LRBA: variants seen among roughly 807,000 people sequenced by gnomAD.
LRBA encodes lipopolysaccharide-responsive and beige-like anchor protein.
Under a neutral mutation model 330.0 loss-of-function variants are expected in LRBA, and 176 were observed. The observed-to-expected ratio is 0.53, with a 90% CI of 0.47 to 0.60. The LOEUF is 0.60. LRBA is among the 20% of genes least tolerant of loss of function. The pLI, the probability that LRBA is intolerant of heterozygous loss-of-function variation, is 0.00. For missense variants in LRBA, 3,259 were observed against 3,444.8 expected (o/e 0.95, Z 1.35); for synonymous variants, 1,230 against 1,193.0 (o/e 1.03, Z -0.64).
chr4:150,528,352 T>A (rs746794322), intron 40 of LRBA, among the ~76,000 whole-genome samples: 112 of 151,818 alleles, frequency 7.4e-4, no homozygotes, highest in Non-Finnish European at 1.2e-3. Context: ...ACAAAAAAAA[T>A]TAGCCAGGCG....
chr4:150,753,958 T>C (rs1341873871), intron 35 of LRBA, among the ~76,000 whole-genome samples: 2 of 151,930 alleles, frequency 1.3e-5, no homozygotes, highest in African/African-American at 4.8e-5. Flanking sequence ...TCCCAGGTAC[T>C]TGGGAGGCTG....
chr4:150,489,715 A>T (rs529014200), intron 41 of LRBA, among the ~76,000 whole-genome samples: 9 of 129,838 alleles, frequency 6.9e-5, no homozygotes, highest in African/African-American at 2.0e-4. Context: ...TATTATATAT[A>T]AGAATATATA....
rs1553984658 is a variant in LRBA at position 150,861,270 on chromosome 4, G to GGGGT, written c.2766+6400_2766+6401insACCC. ...GGTGCATGCCACCATCCCAGCTAAT[G>GGGGT]GTGTGTGTGTGTGTGTGTGTGTGTG... On this transcript the variant is annotated intron_variant, in intron 22 of 56. Coordinates refer to ENST00000651943, the MANE Select transcript of LRBA (RefSeq NM_001364905.1). 5.1e-5 allele frequency among the ~76,000 whole-genome samples: 7 copies of GGGGT among 137,814 alleles called. No homozygotes were observed. In the South Asian group the frequency reaches 1.7e-3, roughly 33 times the overall value. 90.4% of individuals were successfully genotyped at this position (137,814 alleles called of 152,430 possible).
At chr4:150,597,061 TA>T in intron 38 of LRBA, 2 of 1,248,250 alleles carry the variant, frequency 1.6e-6, no homozygotes, top group Non-Finnish European at 2.3e-6. Context: ...AAAATTACTA[TA>T]AAATATTACT....
Position 150,415,447 on chromosome 4 carries a change from T to G in LRBA, c.7185A>C (p.Ile2395=), listed in dbSNP as rs773538227. 2.8e-5 allele frequency: 45 copies of G among 1,613,244 alleles called. No homozygotes were observed. The highest frequency in any genetic ancestry group is 3.5e-5 in the Non-Finnish European group (41 of 1,179,666). Residue 2395 remains isoleucine, a synonymous_variant, in exon 47 of 57, where the codon ATA becomes ATC. Transcript: ENST00000651943. Reference sequence around the variant, plus strand: ...ATGATTATTATCTTACCAATCTGTTTATGTGAACAAATTCTTCTGAGGTTT... The same window carrying G: ...ATGATTATTATCTTACCAATCTGTTGATGTGAACAAATTCTTCTGAGGTTT... ...WAKTSEEFVH[I]NRLALESEFV... is the part of the protein sequence containing the mutation.
At chr4:150,690,393 C>A (rs1051026643) in intron 36 of LRBA, among the ~76,000 whole-genome samples, 1 of 151,544 alleles carries the variant, frequency 6.6e-6, no homozygotes, top group Non-Finnish European at 1.5e-5. Flanking sequence ...ATCCCAGGTA[C>A]TCAGGAGGCT....
Position 150,848,982 on chromosome 4 carries a change from A to G in LRBA, c.4175T>C (p.Ile1392Thr). 2 of 1,595,588 alleles carry G rather than the reference A, an allele frequency of 1.3e-6. No homozygotes were observed. The highest frequency in any genetic ancestry group is 1.7e-4 in the Middle Eastern group (1 of 5,998). Residue 1392 changes from isoleucine (I) to threonine (T), a missense_variant, in exon 26 of 57, where the codon ATT becomes ACT. Ile to Thr is a moderately conservative substitution (Grantham distance 89). Coordinates refer to ENST00000651943, the MANE Select transcript of LRBA (RefSeq NM_001364905.1). ...TATTGAAAGGCCTTGAGTAGGTTCA[A>G]TATTTTCCAGTTCATGCTGTAAAGA... ...ATSATHELEN[I>T]EPTQGLSIEA...
At chr4:150,289,834 T>C (rs765693936) in intron 53 of LRBA, among the ~76,000 whole-genome samples, 2 of 152,222 alleles carry the variant, frequency 1.3e-5, no homozygotes, top group African/African-American at 4.8e-5. Context: ...ATATAGCAGA[T>C]ATATGATATG....
In LRBA at chr4:150,583,802, G is replaced by A; in HGVS notation, c.6330+4246C>T. On this transcript the variant is annotated intron_variant, in intron 40 of 56. Transcript: ENST00000651943. The surrounding 1 kb of genome is among the most constrained non-coding windows in gnomAD (Gnocchi z 9.8). ...TGCCTCTCAGTGCTGAAGACTCTGC[G>A]GGACCGCCACCTGGAGCTACCCGGC... 1.2e-6 allele frequency: 2 copies of A among 1,614,168 alleles called. No homozygotes were observed. Among genetic ancestry groups the A allele is most frequent in the Non-Finnish European group, 1.7e-6 (2 of 1,180,020 alleles).
In LRBA at chr4:150,808,314, A is replaced by C. The variant is rs1578850415; in HGVS notation, c.5384+6T>G. On this transcript the variant is annotated splice_donor_region_variant and intron_variant, in intron 32 of 56. Transcript: ENST00000651943. The stretch of plus-strand genomic sequence containing the variant: ...ATCACAATATTCAAGTTAGTAGCTT[A>C]AATACCTCATATTTGAAACCGGATC... 5.0e-6 allele frequency: 8 copies of C among 1,599,276 alleles called. No homozygotes were observed. The highest frequency in any genetic ancestry group is 6.9e-6 in the Non-Finnish European group (8 of 1,167,778).
At chr4:150,710,739 T>C (rs970584509) in intron 36 of LRBA, among the ~76,000 whole-genome samples, 4 of 152,066 alleles carry the variant, frequency 2.6e-5, no homozygotes, top group Non-Finnish European at 5.9e-5. Context: ...AACAAGGCAG[T>C]GAAGAATGAG....
intron 40 of LRBA, among the ~76,000 whole-genome samples, chr4:150,508,217 A>G (rs1761365902): frequency 8.1e-6 from 1 of 123,536 alleles, no homozygotes; most frequent in African/African-American, 3.3e-5. Flanking sequence ...CCTAAAACTT[A>G]AAATAATAAA....
At chr4:150,871,518 C>T in intron 18 of LRBA, 65 bp from the exon 19 acceptor site, 1 of 891,518 alleles carries the variant, frequency 1.1e-6, no homozygotes, top group Non-Finnish European at 1.9e-6. Flanking sequence ...AATATGCATG[C>T]TGGATGAAGG....
At chr4:150,315,493 T>C (rs988708852) in intron 51 of LRBA, 68 bp downstream of exon 51, 3 of 1,299,968 alleles carry the variant, frequency 2.3e-6, no homozygotes, top group Non-Finnish European at 2.2e-6. Context: ...GAAAAACAAC[T>C]GTAATCTACA....
intron 4 of LRBA, among the ~76,000 whole-genome samples, chr4:150,925,963 G>A (rs1696807900): frequency 6.6e-6 from 1 of 152,140 alleles, no homozygotes. Flanking sequence ...GCTCAAGACT[G>A]TGTTCCCTGA....
chr4:150,983,061 C>T (rs1741035570), intron 2 of LRBA, among the ~76,000 whole-genome samples: 1 of 151,658 alleles, frequency 6.6e-6, no homozygotes, highest in Non-Finnish European at 1.5e-5. Flanking sequence ...GCCTGGGCAA[C>T]AGAGCAAGAC....
At chr4:150,785,641 A>G (rs530681015) in intron 34 of LRBA, among the ~76,000 whole-genome samples, 7 of 151,706 alleles carry the variant, frequency 4.6e-5, no homozygotes, top group African/African-American at 1.5e-4. Context: ...TTTGCAAAGG[A>G]GGTTTCAAAT....
At chr4:151,007,171 C>T (rs1462480875) in intron 2 of LRBA, among the ~76,000 whole-genome samples, 3 of 152,144 alleles carry the variant, frequency 2.0e-5, no homozygotes, top group South Asian at 2.1e-4. Flanking sequence ...GACAAAAGTG[C>T]CAAGGTAATT....
intron 34 of LRBA, among the ~76,000 whole-genome samples, chr4:150,765,650 A>G (rs1382815483): frequency 6.6e-6 from 1 of 152,140 alleles, no homozygotes; most frequent in African/African-American, 2.4e-5. Flanking sequence ...GTTCTGATCC[A>G]AAACTGCAAT....
Sources: allele counts gnomAD v4.1 joint callset (sites outside exome capture counted in the v4.1 genomes callset), GRCh38; gene constraint gnomAD v4.1.1; non-coding constraint Gnocchi (gnomAD v3.1); transcripts MANE v1.5; gene names NCBI Gene and HGNC (gene_info 2026-07-23, HGNC 2026-07-21).